The following NME7 variants were observed in gnomAD, a reference collection of about 807,000 sequenced individuals.
NME7 encodes the protein nucleoside diphosphate kinase 7.
A neutral mutation model predicts 49.1 loss-of-function variants in NME7; 41 were observed. The observed-to-expected ratio is 0.83, with a 90% confidence interval of 0.65 to 1.08. The LOEUF (loss-of-function observed/expected upper bound fraction) is 1.08. NME7 is among the 50% of genes least tolerant of loss of function. NME7 has a pLI of 0.00. For missense variants in NME7, 423 were observed against 463.4 expected, an observed-to-expected ratio of 0.91 and a Z score of 0.80; for synonymous variants, 139 against 150.6, an observed-to-expected ratio of 0.92 and a Z score of 0.56.
In NME7 at chr1:169,237,681, A is replaced by G; in HGVS notation, c.761T>C (p.Leu254Ser). 1 of 1,608,816 alleles carries G rather than the reference A, an allele frequency of 6.2e-7. No homozygotes were observed. The highest frequency in any genetic ancestry group is 8.5e-7 in the Non-Finnish European group (1 of 1,176,718). ...VKPHAVSEGL[L>S]GKILMAIRDA... is the part of the protein sequence containing the mutation. ...TCGGATAGCCATCAGGATCTTTCCCAACAGTCCTGAAAATGAAGGACAATG... is the reference window on the plus strand; with the variant it reads ...TCGGATAGCCATCAGGATCTTTCCCGACAGTCCTGAAAATGAAGGACAATG... The change falls in exon 8 of 12, where the codon TTG becomes TCG. Residue 254 changes from leucine to serine, a missense_variant. Physicochemically the swap from Leu to Ser is moderately radical, Grantham distance 145. Coordinates refer to ENST00000367811, the MANE Select transcript of NME7 (RefSeq NM_013330.5).
At chr1:169,262,914 C>T (rs1649208258) in intron 7 of NME7, among the ~76,000 whole-genome samples, 1 of 133,278 alleles carries the variant, frequency 7.5e-6, no homozygotes, top group African/African-American at 2.5e-5. Context: ...TCAACTGCAG[C>T]CCCAGTCTGA....
intron 10 of NME7, among the ~76,000 whole-genome samples, chr1:169,219,513 G>A (rs907490142): frequency 1.3e-5 from 2 of 152,108 alleles, no homozygotes; most frequent in African/African-American, 4.8e-5. Context: ...CCAGAGGATG[G>A]CTGTATTTCC....
At chr1:169,333,493 ATATCAAAAGGATAAATG>A (rs149496181) in intron 1 of NME7, among the ~76,000 whole-genome samples, 1 of 112,802 alleles carries the variant, frequency 8.9e-6, no homozygotes, top group Non-Finnish European at 2.3e-5. Context: ...TAACAAAAGG[ATATCAAAAGGATAAATG>A]TATCAAAAGG....
At chr1:169,206,297 G>C (rs562692448) in intron 10 of NME7, among the ~76,000 whole-genome samples, 2 of 152,186 alleles carry the variant, frequency 1.3e-5, no homozygotes, top group South Asian at 2.1e-4. Flanking sequence ...GAAAATATTT[G>C]ATGAATTAAC....
intron 10 of NME7, among the ~76,000 whole-genome samples, chr1:169,186,474 C>A (rs1660070200): frequency 6.6e-6 from 1 of 152,142 alleles, no homozygotes; most frequent in African/African-American, 2.4e-5. Context: ...GATTCAACTT[C>A]TTTCTGGTTT....
chr1:169,295,346 A>C (rs2101903250), intron 6 of NME7, among the ~76,000 whole-genome samples: 1 of 152,314 alleles, frequency 6.6e-6, no homozygotes, highest in South Asian at 2.1e-4. Flanking sequence ...AGTAGAAATA[A>C]AAAAGAAATG....
At chr1:169,261,951 C>T (rs1455690495) in intron 7 of NME7, among the ~76,000 whole-genome samples, 1 of 134,036 alleles carries the variant, frequency 7.5e-6, no homozygotes, top group Non-Finnish European at 1.8e-5. Context: ...CACGTCCCAA[C>T]CACATGAAGG....
intron 5 of NME7, 61 bp downstream of exon 5, chr1:169,303,084 C>T (rs1651010205): frequency 8.9e-7 from 1 of 1,125,306 alleles, no homozygotes; most frequent in South Asian, 1.4e-5. Context: ...ACAAATGTAA[C>T]TCCATAGTTT....
chr1:169,272,112 C>A (rs1264241124), intron 7 of NME7, among the ~76,000 whole-genome samples: 1 of 130,984 alleles, frequency 7.6e-6, no homozygotes, highest in Non-Finnish European at 1.8e-5. Context: ...AGTTATATGA[C>A]CTAATGTTAT....
chr1:169,212,319 A>G (rs186215028), intron 10 of NME7, among the ~76,000 whole-genome samples: 2 of 152,268 alleles, frequency 1.3e-5, no homozygotes. Context: ...ACTTTTAAAA[A>G]AGTCATTTAA....
At chr1:169,355,268 ATTGTATATTATATATAATATATTG>A (rs1653412415) in intron 1 of NME7, among the ~76,000 whole-genome samples, 1 of 80,390 alleles carries the variant, frequency 1.2e-5, no homozygotes, top group Non-Finnish European at 2.1e-5. Flanking sequence ...TATATAATAT[ATTGTATATTATATATAATATATTG>A]TATATTATAT....
intron 10 of NME7, among the ~76,000 whole-genome samples, chr1:169,176,202 T>A (rs767355472): frequency 6.6e-6 from 1 of 152,094 alleles, no homozygotes; most frequent in Middle Eastern, 3.2e-3. Context: ...GGGGAAGGAA[T>A]TGGAAGTAGA....
chr1:169,360,115 A>G (rs977726689), intron 1 of NME7, among the ~76,000 whole-genome samples: 1 of 152,244 alleles, frequency 6.6e-6, no homozygotes, highest in African/African-American at 2.4e-5. Flanking sequence ...GGTGAAGATC[A>G]CAGCAGCAAA....
At chr1:169,157,241 C>T (rs758870521) in intron 11 of NME7, among the ~76,000 whole-genome samples, 10 of 152,102 alleles carry the variant, frequency 6.6e-5, no homozygotes, top group Non-Finnish European at 1.2e-4. Flanking sequence ...TGATATATTC[C>T]CACATGCATT....
At chr1:169,354,007 A>T (rs1418403606) in intron 1 of NME7, among the ~76,000 whole-genome samples, 1 of 152,092 alleles carries the variant, frequency 6.6e-6, no homozygotes, top group African/African-American at 2.4e-5. Context: ...TCTTCAAAAA[A>T]CTAAAAATAG....
chr1:169,349,205 C>G (rs1243696407), intron 1 of NME7, among the ~76,000 whole-genome samples: 2 of 152,092 alleles, frequency 1.3e-5, no homozygotes, highest in African/African-American at 4.8e-5. Flanking sequence ...AATGCCTACT[C>G]CATAGGAAGA....
rs1403554553 is a variant in NME7, at chr1:169,256,044, G to A, written c.755-18357C>T. Among the ~76,000 whole-genome samples, 11 of 132,296 alleles carry A rather than the reference G, an allele frequency of 8.3e-5. 2 individuals carry two copies. The allele number at this position is 132,296 out of a possible 152,430, so 86.8% of individuals were successfully genotyped here. ...GGTGAATCTGACCATTATGTGTCTT[G>A]GAGTTGCTCTTCTCGAGGAGTATCT... is the stretch of plus-strand genomic sequence containing the variant. On this transcript the variant is annotated intron_variant, in intron 7 of 11. Coordinates refer to ENST00000367811, the MANE Select transcript of NME7 (RefSeq NM_013330.5).
chr1:169,304,125 T>C (rs1157289478), intron 4 of NME7, among the ~76,000 whole-genome samples: 1 of 152,210 alleles, frequency 6.6e-6, no homozygotes, highest in Non-Finnish European at 1.5e-5. Flanking sequence ...GTTTATTAAT[T>C]GTAACAGGGA....
intron 7 of NME7, among the ~76,000 whole-genome samples, chr1:169,246,614 TG>T (rs1426249387): frequency 4.0e-5 from 6 of 151,462 alleles, no homozygotes; most frequent in African/African-American, 1.5e-4. Flanking sequence ...TTATTTTATT[TG>T]TATTTTTTTT....
Sources: allele counts gnomAD v4.1 joint callset (sites outside exome capture counted in the v4.1 genomes callset), GRCh38; gene constraint gnomAD v4.1.1; transcripts MANE v1.5; gene names NCBI Gene and HGNC (gene_info 2026-07-23, HGNC 2026-07-21).